TRIT1: variants seen among roughly 807,000 people sequenced by gnomAD.
TRIT1 encodes the protein tRNA isopentenyltransferase 1, also known as tRNA dimethylallyltransferase.
A neutral mutation model predicts 51.2 loss-of-function variants in TRIT1; 43 were observed. That is an observed-to-expected ratio of 0.84 (90% confidence interval 0.66 to 1.08). TRIT1 has a LOEUF of 1.08. Ranked by LOEUF, TRIT1 falls within the 50% of genes least tolerant of loss-of-function variation. The pLI is 0.00. For synonymous variants in TRIT1, 184 were observed against 203.9 expected (o/e 0.90, Z 0.83); for missense variants, 528 against 578.4 (o/e 0.91, Z 0.89).
At chr1:39,855,264 A>C (rs1642829583) in intron 2 of TRIT1, among the ~76,000 whole-genome samples, 1 of 152,238 alleles carries the variant, frequency 6.6e-6, no homozygotes, top group African/African-American at 2.4e-5. Context: ...TTCTACTAGA[A>C]TCCCACTAAC....
chr1:39,857,141 G>C (rs1642947270), intron 2 of TRIT1, 136 bp downstream of exon 2: 1 of 975,150 alleles, frequency 1.0e-6, no homozygotes, highest in African/African-American at 1.6e-5. Context: ...TCCATAGTCT[G>C]ATGGGGATGG....
chr1:39,841,626 T>C lies in TRIT1; in HGVS notation c.*118A>G, dbSNP rs1428891638. 12 of 1,064,696 alleles carry C rather than the reference T, an allele frequency of 1.1e-5. No individual in the cohort carries two copies. In the African/African-American group the frequency reaches 1.8e-4, roughly 16 times the overall value. The allele number at this position is 1,064,696 out of a possible 1,614,324, so 66.0% of individuals were successfully genotyped here. On this transcript the variant is annotated 3_prime_UTR_variant, in exon 11 of 11. Coordinates refer to ENST00000316891, the MANE Select transcript of TRIT1 (RefSeq NM_017646.6). The stretch of plus-strand genomic sequence containing the variant: ...CACATCAAAAGAAAATGGTGGGAGC[T>C]TTTCTGCTATGCAGAGAATTCCGCA...
At chr1:39,851,191 A>C (rs917445096) in intron 4 of TRIT1, among the ~76,000 whole-genome samples, 2 of 152,140 alleles carry the variant, frequency 1.3e-5, no homozygotes, top group Admixed American at 1.3e-4. Flanking sequence ...TAGATATCTC[A>C]CTTATCTGGA....
chr1:39,859,281 A>C (rs867319222), intron 1 of TRIT1, among the ~76,000 whole-genome samples: 5 of 142,572 alleles, frequency 3.5e-5, no homozygotes, highest in East Asian at 3.2e-4. Flanking sequence ...AAAAAAAAAA[A>C]AAAAAAAAAA....
intron 2 of TRIT1, among the ~76,000 whole-genome samples, 162 bp downstream of exon 2, chr1:39,857,115 A>C (rs2124621544): frequency 6.6e-6 from 1 of 152,344 alleles, no homozygotes; most frequent in South Asian, 2.1e-4. Context: ...GGTGACAAAG[A>C]CACTGTATCT....
chr1:39,863,670 G>A (rs1384193725), intron 1 of TRIT1, among the ~76,000 whole-genome samples: 2 of 150,402 alleles, frequency 1.3e-5, no homozygotes, highest in African/African-American at 4.9e-5. Context: ...ATGGTACAAC[G>A]CTGAAATAAC....
intron 1 of TRIT1, among the ~76,000 whole-genome samples, chr1:39,877,101 A>G (rs1482700777): frequency 6.7e-6 from 1 of 149,204 alleles, no homozygotes; most frequent in Non-Finnish European, 1.5e-5. Context: ...CCACCATCCC[A>G]TCTCTCCTTT....
At position 39,841,713 on chromosome 1, in the gene TRIT1, C is replaced by A. The variant is rs375032892; in HGVS notation, c.*31G>T. The A allele has an allele frequency of 6.3e-7, 1 of 1,588,378 alleles. No homozygotes were observed. Among genetic ancestry groups the A allele is most frequent in the Admixed American group, 1.8e-5 (1 of 55,794 alleles). ...CCCTCCCTCCTGAACTGGATCCCCA[C>A]CACCTTTCCAAAGGCCACTGGACAT... On this transcript the variant is annotated 3_prime_UTR_variant, in exon 11 of 11. Coordinates refer to ENST00000316891, the MANE Select transcript of TRIT1 (RefSeq NM_017646.6).
In TRIT1 at chr1:39,841,386, T is replaced by C. The variant is rs1283636774; in HGVS notation, c.*358A>G. 1.8e-5 allele frequency: 3 copies of C among 165,670 alleles called. No homozygotes were observed. In the Admixed American group the frequency reaches 1.9e-4, roughly 11 times the overall value. The allele number at this position is 165,670 out of a possible 1,614,324, so 10.3% of individuals were successfully genotyped here. ...TTAGCCAGAGTCAGGGACATAAAAC[T>C]TCTTTAAAGGGATGCAGTCAATCCT... On this transcript the variant is annotated 3_prime_UTR_variant, in exon 11 of 11. Transcript: ENST00000316891.
At chr1:39,847,448 T>C (rs1642297343) in intron 7 of TRIT1, 100 bp downstream of exon 7, 1 of 1,452,910 alleles carries the variant, frequency 6.9e-7, no homozygotes, top group South Asian at 1.2e-5. Context: ...CTGAAGGCTA[T>C]TTGGGACGCT....
intron 3 of TRIT1, among the ~76,000 whole-genome samples, chr1:39,853,740 C>A (rs922490727): frequency 6.6e-6 from 1 of 152,150 alleles, no homozygotes; most frequent in Non-Finnish European, 1.5e-5. Context: ...TATGGAGATG[C>A]TAATTAATCC....
At chr1:39,855,637 T>G (rs1002500092) in intron 2 of TRIT1, among the ~76,000 whole-genome samples, 4 of 152,206 alleles carry the variant, frequency 2.6e-5, no homozygotes, top group African/African-American at 9.7e-5. Flanking sequence ...GATTTTAGAT[T>G]TTCAGATGTT....
At chr1:39,877,932 T>G (rs1644125654) in intron 1 of TRIT1, among the ~76,000 whole-genome samples, 1 of 152,220 alleles carries the variant, frequency 6.6e-6, no homozygotes, top group Non-Finnish European at 1.5e-5. Context: ...AATGAGAATA[T>G]TTTTATTTCT....
At chr1:39,880,268 TAAAAAAAAAAAAA>T (rs1553148795) in intron 1 of TRIT1, among the ~76,000 whole-genome samples, 2,440 of 94,934 alleles carry the variant, frequency 0.026, 35 homozygotes, top group Non-Finnish European at 0.041. Context: ...AGACCTCAAA[TAAAAAAAAAAAAA>T]AAAAAAAAAA....
chr1:39,857,355 C>T lies in TRIT1; in HGVS notation c.237G>A (p.Arg79=). 1 of 1,614,138 alleles carries T rather than the reference C, an allele frequency of 6.2e-7. No homozygotes were observed. Among genetic ancestry groups the T allele is most frequent in the Non-Finnish European group, 8.5e-7 (1 of 1,180,012 alleles). Residue 79 remains arginine, a synonymous_variant, in exon 2 of 11, where the codon CGG becomes CGA. Transcript: ENST00000316891. ...GATCCACAAAGCTGATCATGTGGTG[C>T]CGGCAGATTCTCTGCTCTTGGGCAG... ...KVSAQEQRIC[R]HHMISFVDPL...
At chr1:39,844,024 G>C in intron 10 of TRIT1, 77 bp downstream of exon 10, 1 of 1,013,208 alleles carries the variant, frequency 9.9e-7, no homozygotes, top group African/African-American at 1.6e-5. Context: ...GGTTCAATCT[G>C]CCAAAGACTC....
chr1:39,848,800 G>T (rs1302953883), intron 5 of TRIT1, among the ~76,000 whole-genome samples: 1 of 151,286 alleles, frequency 6.6e-6, no homozygotes, highest in Non-Finnish European at 1.5e-5. Flanking sequence ...TCCAGCCTGG[G>T]CAACAGGGCG....
intron 3 of TRIT1, among the ~76,000 whole-genome samples, chr1:39,853,311 A>G (rs546242477): frequency 1.2e-4 from 18 of 152,306 alleles, no homozygotes; most frequent in African/African-American, 4.3e-4. Flanking sequence ...CCAGCCAGGA[A>G]ATACTGAATC....
chr1:39,857,495 C>G, intron 1 of TRIT1, 78 bp from the exon 2 acceptor site: 1 of 1,513,922 alleles, frequency 6.6e-7, no homozygotes, highest in South Asian at 1.3e-5. Context: ...AAATTTTGAT[C>G]TATTTCTCCC....
Sources: allele counts gnomAD v4.1 joint callset (sites outside exome capture counted in the v4.1 genomes callset), GRCh38; gene constraint gnomAD v4.1.1; transcripts MANE v1.5; gene names NCBI Gene and HGNC (gene_info 2026-07-23, HGNC 2026-07-21).